Variants in POF1B observed in about 807,000 individuals in gnomAD.
POF1B encodes the protein POF1B actin binding protein, also known as protein POF1B.
Under a neutral mutation model 55.3 loss-of-function variants are expected in POF1B, and 53 were observed. That is an observed-to-expected ratio of 0.96 (90% CI 0.77 to 1.20). The LOEUF (loss-of-function observed/expected upper bound fraction) is 1.20, where lower values mean the gene tolerates loss of function less well. POF1B is among the 50% of genes most tolerant of loss of function. The pLI is 0.00. For synonymous variants in POF1B, 188 were observed against 148.3 expected (o/e 1.27, Z -1.95); for missense variants, 478 against 420.5 (o/e 1.14, Z -1.20).
At chrX:85,373,934 A>G (rs1933878248) in intron 2 of POF1B, among the ~76,000 whole-genome samples, 1 of 111,329 alleles carries the variant, frequency 9.0e-6, no homozygotes, top group Non-Finnish European at 1.9e-5. Context: ...ACAATCATTT[A>G]CACTTAGCTA....
intron 2 of POF1B, among the ~76,000 whole-genome samples, chrX:85,376,612 A>G (rs771336213): frequency 7.2e-5 from 8 of 111,673 alleles, no homozygotes; most frequent in Non-Finnish European, 1.1e-4. Flanking sequence ...AACATAAAAT[A>G]TATGTTTAAT....
intron 15 of POF1B, 62 bp from the exon 16 acceptor site, chrX:85,282,379 A>G (rs1309265042): frequency 7.4e-6 from 6 of 816,032 alleles, no homozygotes; most frequent in Non-Finnish European, 1.0e-5. Flanking sequence ...ATTCCTTTTT[A>G]GTCACTCCTA....
chrX:85,299,312 G>A (rs1477260817), intron 15 of POF1B, among the ~76,000 whole-genome samples: 1 of 92,972 alleles, frequency 1.1e-5, no homozygotes, highest in Non-Finnish European at 2.1e-5. Context: ...TTTTTGAGAC[G>A]GAGTCTCGCT....
At chrX:85,299,782 A>G (rs764364525) in intron 15 of POF1B, among the ~76,000 whole-genome samples, 38 of 112,067 alleles carry the variant, frequency 3.4e-4, no homozygotes, top group Non-Finnish European at 6.2e-4. Flanking sequence ...TGCTGGGATT[A>G]CAGGCGTGAG....
chrX:85,347,671 A>G (rs1228498035), intron 5 of POF1B, among the ~76,000 whole-genome samples: 1 of 111,273 alleles, frequency 9.0e-6, no homozygotes, highest in East Asian at 2.8e-4. Flanking sequence ...GAAAAATGAA[A>G]TATATATAAA....
intron 6 of POF1B, among the ~76,000 whole-genome samples, chrX:85,334,758 C>T (rs1933038751): frequency 9.0e-6 from 1 of 111,501 alleles, no homozygotes; most frequent in Non-Finnish European, 1.9e-5. Flanking sequence ...AAGTTCTTGA[C>T]CTGGCTCCAA....
intron 3 of POF1B, among the ~76,000 whole-genome samples, chrX:85,361,988 GTA>G (rs1157858070): frequency 3.8e-5 from 4 of 105,892 alleles, no homozygotes; most frequent in African/African-American, 1.1e-4. Context: ...GTGTGTGTGT[GTA>G]TGTGTGTGTG....
intron 4 of POF1B, among the ~76,000 whole-genome samples, chrX:85,351,849 T>G (rs1056647005): frequency 1.8e-5 from 2 of 110,722 alleles, no homozygotes; most frequent in Non-Finnish European, 3.8e-5. Flanking sequence ...GTTGGAGAAA[T>G]GCAAAATAAA....
At chrX:85,342,716 C>T (rs1465870398) in intron 6 of POF1B, among the ~76,000 whole-genome samples, 1 of 111,401 alleles carries the variant, frequency 9.0e-6, no homozygotes, top group Non-Finnish European at 1.9e-5. Flanking sequence ...TAAACACAAA[C>T]CATGAAAATG....
At position 85,303,605 on chromosome X, in the gene POF1B, T is replaced by A. The variant is rs746106301; in HGVS notation, c.1567-117A>T. 8.4e-6 allele frequency: 4 copies of A among 476,360 alleles called. No homozygotes were observed. In the East Asian group the frequency reaches 1.2e-4, roughly 14 times the overall value. 39.3% of individuals were successfully genotyped at this position (476,360 alleles called of 1,213,427 possible). ...GATTATACCCCCTCCCTTTTACCCC[T>A]TTTTAGCCTTGACGTAATAATGTTC... On this transcript the variant is annotated intron_variant, in intron 14 of 16. Transcript: ENST00000262753.
chrX:85,279,141 T>C lies in POF1B; in HGVS notation c.*280A>G. On this transcript the variant is annotated 3_prime_UTR_variant, in exon 17 of 17. Transcript: ENST00000262753. The stretch of plus-strand genomic sequence containing the variant: ...ATCTGAAACATAATGAGTTATGTTC[T>C]ACAGTGTCTGCAATCAAACTTTAAA... The C allele has an allele frequency of 3.8e-6, 1 of 263,962 alleles. No individual in the cohort carries two copies. Among genetic ancestry groups the C allele is most frequent in the Non-Finnish European group, 6.8e-6 (1 of 146,014 alleles). 21.8% of individuals were successfully genotyped at this position (263,962 alleles called of 1,213,427 possible). A position where few individuals can be genotyped will look rare whatever the true frequency, so the allele number is the denominator to read the frequency against.
At chrX:85,330,022 T>C (rs902710404) in intron 7 of POF1B, among the ~76,000 whole-genome samples, 3 of 109,921 alleles carry the variant, frequency 2.7e-5, no homozygotes, top group Non-Finnish European at 5.7e-5. Flanking sequence ...TAGTGAAAAG[T>C]CTGAATTAGA....
intron 6 of POF1B, among the ~76,000 whole-genome samples, chrX:85,333,872 A>C (rs1933019247): frequency 9.3e-6 from 1 of 107,388 alleles, no homozygotes; most frequent in Admixed American, 1.0e-4. Flanking sequence ...TCATTTAAAC[A>C]GTCAATGTGT....
chrX:85,317,537 GT>G (rs1331885041), intron 7 of POF1B, among the ~76,000 whole-genome samples: 5 of 110,252 alleles, frequency 4.5e-5, no homozygotes, highest in Non-Finnish European at 9.5e-5. Flanking sequence ...TGATGTTGAG[GT>G]TTTTTCATAT....
intron 14 of POF1B, 99 bp from the exon 15 acceptor site, chrX:85,303,587 C>G (rs1347158345): frequency 3.5e-6 from 2 of 565,501 alleles, no homozygotes; most frequent in Non-Finnish European, 5.5e-6. Context: ...AATGATTATA[C>G]CCCCTCCCTT....
At chrX:85,299,423 G>A (rs1216224157) in intron 15 of POF1B, among the ~76,000 whole-genome samples, 1 of 105,840 alleles carries the variant, frequency 9.4e-6, no homozygotes, top group African/African-American at 3.5e-5. Context: ...CGAGTAGCTG[G>A]GACTACAGGC....
intron 3 of POF1B, among the ~76,000 whole-genome samples, chrX:85,367,130 T>A (rs1933738374): frequency 9.0e-6 from 1 of 111,532 alleles, no homozygotes; most frequent in African/African-American, 3.3e-5. Context: ...TCTTCGAATT[T>A]ACTTTTTGAT....
intron 2 of POF1B, among the ~76,000 whole-genome samples, chrX:85,377,886 G>C (rs752297583): frequency 1.5e-4 from 17 of 111,401 alleles, no homozygotes; most frequent in Non-Finnish European, 2.6e-4. Context: ...CTAGCAAGTT[G>C]ACAAAAAAGG....
chrX:85,352,782 TAA>T (rs918546063), intron 4 of POF1B, among the ~76,000 whole-genome samples: 8 of 111,378 alleles, frequency 7.2e-5, no homozygotes, highest in African/African-American at 1.9e-4. Flanking sequence ...CATAAAAATA[TAA>T]GTCTGACTTA....
Sources: allele counts gnomAD v4.1 joint callset (sites outside exome capture counted in the v4.1 genomes callset), GRCh38; gene constraint gnomAD v4.1.1; transcripts MANE v1.5; gene names NCBI Gene and HGNC (gene_info 2026-07-23, HGNC 2026-07-21).